The following NEK10 variants were observed in gnomAD, a reference collection of about 807,000 sequenced individuals.
The protein encoded by NEK10 is NIMA related kinase 10.
A neutral mutation model predicts 159.8 loss-of-function variants in NEK10; 122 were observed. The ratio of observed to expected loss-of-function variants is 0.76; its 90% CI spans 0.66 to 0.89. The LOEUF is 0.89. Among genes scored for constraint, NEK10 ranks in the 40% least tolerant of loss-of-function variants. NEK10 has a pLI of 0.00. For missense variants in NEK10, 1,342 were observed against 1,323.1 expected (o/e 1.01, Z -0.22); for synonymous variants, 466 against 457.1 (o/e 1.02, Z -0.25).
intron 25 of NEK10, among the ~76,000 whole-genome samples, chr3:27,197,721 T>G (rs1427895943): frequency 6.6e-6 from 1 of 152,196 alleles, no homozygotes; most frequent in Non-Finnish European, 1.5e-5. Flanking sequence ...CAAACAGGGA[T>G]AGTTTGACTT....
chr3:27,340,073 C>A (rs757847971), intron 5 of NEK10, among the ~76,000 whole-genome samples: 1 of 152,148 alleles, frequency 6.6e-6, no homozygotes, highest in Non-Finnish European at 1.5e-5. Context: ...TTTATTGCAG[C>A]ACCATTTTCA....
intron 5 of NEK10, among the ~76,000 whole-genome samples, chr3:27,333,652 G>A (rs953784364): frequency 3.3e-5 from 5 of 152,158 alleles, no homozygotes; most frequent in Non-Finnish European, 5.9e-5. Context: ...CTGCCCTCAG[G>A]GCTTAGGCAC....
At chr3:27,248,154 C>T (rs1408288947) in intron 23 of NEK10, among the ~76,000 whole-genome samples, 1 of 152,104 alleles carries the variant, frequency 6.6e-6, no homozygotes. Context: ...TTTATTGGCA[C>T]ATAGTTGTTC....
At chr3:27,151,644 A>G (rs1191053521) in intron 30 of NEK10, among the ~76,000 whole-genome samples, 1 of 152,218 alleles carries the variant, frequency 6.6e-6, no homozygotes, top group African/African-American at 2.4e-5. Context: ...CAATGGAGCC[A>G]AACCAAGAAG....
intron 31 of NEK10, among the ~76,000 whole-genome samples, chr3:27,137,685 A>C (rs1943361976): frequency 6.6e-6 from 1 of 152,190 alleles, no homozygotes; most frequent in African/African-American, 2.4e-5. Context: ...TGGTTGCCTA[A>C]GAGAAAGCTT....
At chr3:27,341,140 T>TA (rs1237220973) in intron 5 of NEK10, among the ~76,000 whole-genome samples, 1 of 151,826 alleles carries the variant, frequency 6.6e-6, no homozygotes, top group Admixed American at 6.6e-5. Flanking sequence ...CATGGGAGCT[T>TA]AAAAAAAGTC....
At chr3:27,163,434 C>T (rs1032152075) in intron 29 of NEK10, among the ~76,000 whole-genome samples, 1 of 152,110 alleles carries the variant, frequency 6.6e-6, no homozygotes, top group African/African-American at 2.4e-5. Flanking sequence ...TCACTGAAAC[C>T]TCCACCTCCC....
At chr3:27,332,548 C>T (rs1399540576) in intron 5 of NEK10, among the ~76,000 whole-genome samples, 3 of 152,182 alleles carry the variant, frequency 2.0e-5, no homozygotes, top group African/African-American at 7.2e-5. Flanking sequence ...AGCTCCATCA[C>T]TTTCAATAAC....
At chr3:27,232,238 C>A (rs75886399) in intron 23 of NEK10, among the ~76,000 whole-genome samples, 1 of 151,784 alleles carries the variant, frequency 6.6e-6, no homozygotes, top group African/African-American at 2.4e-5. Context: ...AATCAATGTA[C>A]ACAAACCAGT....
intron 1 of NEK10, among the ~76,000 whole-genome samples, chr3:27,361,715 C>T (rs1344753485): frequency 2.0e-5 from 3 of 152,200 alleles, no homozygotes; most frequent in African/African-American, 7.2e-5. Flanking sequence ...ACCCCTAGAA[C>T]TTTCACAAGT....
At chr3:27,163,180 AGTTGCCAGT>A (rs1270451114) in intron 29 of NEK10, among the ~76,000 whole-genome samples, 1 of 152,128 alleles carries the variant, frequency 6.6e-6, no homozygotes, top group Non-Finnish European at 1.5e-5. Context: ...TCTTTCCTAA[AGTTGCCAGT>A]GTTATTAACA....
chr3:27,146,488 ATGGGGG>A (rs1187660436), intron 30 of NEK10, among the ~76,000 whole-genome samples: 1 of 152,208 alleles, frequency 6.6e-6, no homozygotes, highest in Non-Finnish European at 1.5e-5. Context: ...GTTTTCATGA[ATGGGGG>A]GCCAAAACAC....
At chr3:27,153,188 C>T (rs1007877007) in intron 30 of NEK10, among the ~76,000 whole-genome samples, 2 of 151,856 alleles carry the variant, frequency 1.3e-5, no homozygotes, top group Non-Finnish European at 2.9e-5. Flanking sequence ...GGCATGGTAG[C>T]GGGCGCCTAT....
chr3:27,218,990 A>G (rs1405872909), intron 23 of NEK10, among the ~76,000 whole-genome samples: 4 of 152,222 alleles, frequency 2.6e-5, no homozygotes, highest in Non-Finnish European at 5.9e-5. Flanking sequence ...TTCTCCCTCA[A>G]CACAAGAAGG....
At chr3:27,207,452 T>G (rs759520289) in intron 23 of NEK10, among the ~76,000 whole-genome samples, 8 of 152,176 alleles carry the variant, frequency 5.3e-5, no homozygotes, top group Admixed American at 1.3e-4. Flanking sequence ...AAAGAAAATG[T>G]TCCCTTAATA....
At chr3:27,280,937 G>GTGTGTA (rs147002099) in intron 22 of NEK10, among the ~76,000 whole-genome samples, 5 of 149,490 alleles carry the variant, frequency 3.3e-5, no homozygotes, top group East Asian at 3.9e-4. Flanking sequence ...GTGTGTGTGT[G>GTGTGTA]TATATGTATA....
chr3:27,280,095 GAAAAAAAAAAAAA>G (rs1203824501), intron 22 of NEK10, among the ~76,000 whole-genome samples: 2 of 69,466 alleles, frequency 2.9e-5, no homozygotes, highest in South Asian at 6.4e-4. Context: ...CCCTAAAATG[GAAAAAAAAAAAAA>G]AAAAAAAAAA....
chr3:27,176,191 CTGTT>C (rs1459094441), intron 26 of NEK10, among the ~76,000 whole-genome samples: 1 of 152,160 alleles, frequency 6.6e-6, no homozygotes, highest in Admixed American at 6.5e-5. Flanking sequence ...TGATCAATTG[CTGTT>C]TATTTCTTTT....
chr3:27,206,807 C>G (rs975843583), intron 23 of NEK10, among the ~76,000 whole-genome samples: 8 of 152,104 alleles, frequency 5.3e-5, no homozygotes, highest in Admixed American at 3.3e-4. Context: ...TCTTGAATTT[C>G]AAGCACTGTT....
Sources: allele counts gnomAD v4.1 joint callset (sites outside exome capture counted in the v4.1 genomes callset), GRCh38; gene constraint gnomAD v4.1.1; transcripts MANE v1.5; gene names NCBI Gene and HGNC (gene_info 2026-07-23, HGNC 2026-07-21).